RARB: variants seen among roughly 807,000 people sequenced by gnomAD.
RARB encodes the protein HBV-activated protein.
In RARB, 17 loss-of-function variants were observed where a neutral mutation model predicts 51.9. The ratio of observed to expected loss-of-function variants is 0.33; its 90% CI spans 0.22 to 0.49. RARB has a LOEUF of 0.49. Among genes scored for constraint, RARB ranks in the 20% least tolerant of loss-of-function variants. RARB has a pLI of 0.99. For missense variants in RARB, 369 were observed against 550.8 expected (o/e 0.67, Z 3.30); for synonymous variants, 215 against 195.4 (o/e 1.10, Z -0.84).
intron 2 of RARB, among the ~76,000 whole-genome samples, chr3:25,468,862 A>G (rs1695562216): frequency 6.6e-6 from 1 of 152,128 alleles, no homozygotes; most frequent in African/African-American, 2.4e-5. Flanking sequence ...TTTGCCTTTG[A>G]TGGGTGGAAA....
At chr3:25,068,578 T>C (rs1489803015) in intron 3 of RARB, among the ~76,000 whole-genome samples, 3 of 152,174 alleles carry the variant, frequency 2.0e-5, no homozygotes, top group Admixed American at 2.0e-4. Flanking sequence ...ACGGAAGTTA[T>C]GAAATGGGTT....
intron 5 of RARB, among the ~76,000 whole-genome samples, chr3:25,346,483 A>T (rs1280485729): frequency 6.6e-6 from 1 of 151,946 alleles, no homozygotes; most frequent in Non-Finnish European, 1.5e-5. Context: ...ATTTTTATTG[A>T]ATTTATTGCT....
chr3:25,574,339 C>T (rs1195937797), intron 4 of RARB, among the ~76,000 whole-genome samples: 2 of 152,216 alleles, frequency 1.3e-5, no homozygotes, highest in Non-Finnish European at 2.9e-5. Flanking sequence ...CCACCTCCTG[C>T]CTGGAGGGTT....
In RARB at chr3:24,898,445, A is replaced by T. The variant is rs541031600; in HGVS notation, c.-380+39693A>T. 2.0e-5 allele frequency among the ~76,000 whole-genome samples: 3 copies of T among 151,990 alleles called. No individual in the cohort carries two copies. In the South Asian group the frequency reaches 6.2e-4, roughly 32 times the overall value. On this transcript the variant is annotated intron_variant, in intron 2 of 11. Coordinates refer to the RARB transcript ENST00000383772. Reference sequence around the variant, plus strand: ...TTGAAATTATCAGTACAATTAGACAATAACTTTAATATTTGTTACATGATT... The same window carrying T: ...TTGAAATTATCAGTACAATTAGACATTAACTTTAATATTTGTTACATGATT...
chr3:24,923,657 G>C (rs1210623831), intron 2 of RARB, among the ~76,000 whole-genome samples: 1 of 152,140 alleles, frequency 6.6e-6, no homozygotes, highest in Non-Finnish European at 1.5e-5. Flanking sequence ...CAAGGTATAA[G>C]AATTACCTTA....
intron 5 of RARB, among the ~76,000 whole-genome samples, chr3:25,272,905 A>G (rs1323613522): frequency 1.3e-5 from 2 of 152,200 alleles, no homozygotes; most frequent in Non-Finnish European, 2.9e-5. Flanking sequence ...AGGGCTGCTT[A>G]TTACACACCT....
At chr3:25,135,257 T>C (rs1700015001) in intron 4 of RARB, among the ~76,000 whole-genome samples, 1 of 152,024 alleles carries the variant, frequency 6.6e-6, no homozygotes, top group African/African-American at 2.4e-5. Flanking sequence ...TATTTAATGT[T>C]AATTAAAGTT....
intron 3 of RARB, among the ~76,000 whole-genome samples, chr3:25,527,797 T>A (rs1251129839): frequency 6.6e-6 from 1 of 152,208 alleles, no homozygotes; most frequent in East Asian, 1.9e-4. Context: ...ACTGTGATTA[T>A]CTTTGCTTCT....
chr3:25,434,967 C>T lies in RARB; in HGVS notation c.157+6079C>T, dbSNP rs188549785. Among the ~76,000 whole-genome samples the T allele has an allele frequency of 3.9e-5, 6 of 152,280 alleles. No individual in the cohort carries two copies. The East Asian group carries it at 9.6e-4, about 24-fold the overall frequency. ...AGTTTTCCTCCCCTTTTTCCTTCTT[C>T]CCTTTCTCTTAAACCCAGATTTATT... On this transcript the variant is annotated intron_variant, in intron 1 of 7. Coordinates refer to ENST00000330688, the MANE Select transcript of RARB (RefSeq NM_000965.5).
At chr3:25,043,039 T>C (rs1012002468) in intron 2 of RARB, among the ~76,000 whole-genome samples, 6 of 152,216 alleles carry the variant, frequency 3.9e-5, no homozygotes, top group African/African-American at 1.4e-4. Flanking sequence ...TGTGCCTTCA[T>C]GATGTAATGG....
At chr3:24,998,273 G>GT (rs1433614454) in intron 2 of RARB, among the ~76,000 whole-genome samples, 4 of 117,764 alleles carry the variant, frequency 3.4e-5, no homozygotes, top group South Asian at 3.2e-4. Context: ...TTGACTTGTA[G>GT]TTTGTTTTTT....
At chr3:25,356,688 T>C (rs1705748149) in intron 5 of RARB, among the ~76,000 whole-genome samples, 1 of 152,036 alleles carries the variant, frequency 6.6e-6, no homozygotes, top group African/African-American at 2.4e-5. Flanking sequence ...TGACAGGCCC[T>C]GAAGTATGAT....
intron 5 of RARB, among the ~76,000 whole-genome samples, chr3:25,205,362 C>T (rs140540532): frequency 6.6e-6 from 1 of 152,166 alleles, no homozygotes; most frequent in Non-Finnish European, 1.5e-5. Context: ...TCCCTGACCC[C>T]TTGCACTTCC....
chr3:25,518,874 A>T (rs1050167120), intron 3 of RARB, among the ~76,000 whole-genome samples: 1 of 152,136 alleles, frequency 6.6e-6, no homozygotes, highest in African/African-American at 2.4e-5. Flanking sequence ...GCATCCTTCA[A>T]ACTACCTCCT....
intron 2 of RARB, among the ~76,000 whole-genome samples, chr3:24,906,161 A>T (rs1049014043): frequency 6.6e-6 from 1 of 152,138 alleles, no homozygotes; most frequent in African/African-American, 2.4e-5. Flanking sequence ...TGAGGAGGGG[A>T]TGTCGTGGCC....
chr3:24,893,727 G>T (rs1297297619), intron 2 of RARB, among the ~76,000 whole-genome samples: 1 of 150,044 alleles, frequency 6.7e-6, no homozygotes, highest in Admixed American at 6.7e-5. Context: ...GTCTCACTAT[G>T]TTGCCTAGGT....
intron 2 of RARB, among the ~76,000 whole-genome samples, chr3:25,032,872 A>AT (rs775551094): frequency 5.9e-5 from 9 of 152,210 alleles, no homozygotes; most frequent in African/African-American, 9.6e-5. Flanking sequence ...AGCAATGTTT[A>AT]TAAAAAAATA....
chr3:25,487,959 T>G (rs1696551563), intron 2 of RARB, among the ~76,000 whole-genome samples: 1 of 152,232 alleles, frequency 6.6e-6, no homozygotes, highest in South Asian at 2.1e-4. Flanking sequence ...AAATCTCAAG[T>G]TACCAGGATA....
chr3:25,212,761 T>C (rs2125379319), intron 5 of RARB, among the ~76,000 whole-genome samples: 1 of 152,330 alleles, frequency 6.6e-6, no homozygotes, highest in South Asian at 2.1e-4. Context: ...TCCACTTTTT[T>C]TGTGAGTATG....
Sources: gnomAD v4.1 joint callset for allele counts (sites outside exome capture counted in the v4.1 genomes callset) on GRCh38, gnomAD v4.1.1 for gene constraint, MANE v1.5 for transcripts, NCBI Gene and HGNC (gene_info 2026-07-23, HGNC 2026-07-21) for gene names.